The following UNC80 variants were observed in gnomAD, a reference collection of about 807,000 sequenced individuals.
The protein encoded by UNC80 is unc-80 subunit of NALCN channel complex.
In UNC80, 164 loss-of-function variants were observed where a neutral mutation model predicts 384.6. The ratio of observed to expected loss-of-function variants is 0.43; its 90% CI spans 0.38 to 0.49. The LOEUF is 0.49. Among genes scored for constraint, UNC80 ranks in the 20% least tolerant of loss-of-function variants. The probability of loss-of-function intolerance (pLI) is 0.00; values close to 1 mark genes in which losing one functional copy is unlikely to be tolerated. For missense variants in UNC80, 3,330 were observed against 4,143.0 expected (o/e 0.80, Z 5.39); for synonymous variants, 1,486 against 1,527.8 (o/e 0.97, Z 0.64).
chr2:209,957,807 GA>G, intron 49 of UNC80, 71 bp downstream of exon 49: 1 of 1,413,884 alleles, frequency 7.1e-7, no homozygotes, highest in Non-Finnish European at 9.8e-7. Flanking sequence ...TGTTGAGAAT[GA>G]AAGGAACCCT....
In UNC80 at chr2:209,978,432, T is replaced by C. The variant is rs570878244; in HGVS notation, c.8939-97T>C. On this transcript the variant is annotated intron_variant, in intron 58 of 64. Coordinates refer to ENST00000673920, the MANE Select transcript of UNC80 (RefSeq NM_001371986.1). Reference sequence around the variant, plus strand: ...ATTTGTCTGGGACACATTATTTAACTAACCTTTCCTAAAAAATACAAGTGG... The same window carrying C: ...ATTTGTCTGGGACACATTATTTAACCAACCTTTCCTAAAAAATACAAGTGG... The C allele has an allele frequency of 1.0e-5, 11 of 1,102,330 alleles. No individual in the cohort carries two copies. In the South Asian group the frequency reaches 2.2e-4, roughly 22 times the overall value. 68.3% of individuals were successfully genotyped at this position (1,102,330 alleles called of 1,614,324 possible).
intron 23 of UNC80, 123 bp from the exon 24 acceptor site, chr2:209,877,831 C>A: frequency 2.7e-6 from 3 of 1,128,530 alleles, no homozygotes; most frequent in Non-Finnish European, 3.5e-6. Flanking sequence ...CTGTGGCATA[C>A]AGAAGAGGCT....
intron 17 of UNC80, 70 bp from the exon 18 acceptor site, chr2:209,834,842 T>C: frequency 2.4e-6 from 3 of 1,268,828 alleles, no homozygotes; most frequent in Non-Finnish European, 3.3e-6. Context: ...TTTTGTTTTA[T>C]GAAGTGTATG....
chr2:209,913,497 T>A lies in UNC80; in HGVS notation c.4891-305T>A, dbSNP rs376576974. Among the ~76,000 whole-genome samples the A allele has an allele frequency of 3.3e-5, 5 of 152,342 alleles. No individual in the cohort carries two copies. In the East Asian group the frequency reaches 9.6e-4, roughly 29 times the overall value. On this transcript the variant is annotated intron_variant, in intron 30 of 64. Coordinates refer to ENST00000673920, the MANE Select transcript of UNC80 (RefSeq NM_001371986.1). ...TATGAAGACTTTTAACACAAAGATGTATTTCCTGGAGTCTTTCTTTTCTTG... is the reference window on the plus strand; with the variant it reads ...TATGAAGACTTTTAACACAAAGATGAATTTCCTGGAGTCTTTCTTTTCTTG...
intron 47 of UNC80, among the ~76,000 whole-genome samples, chr2:209,950,562 T>C (rs1365951643): frequency 7.3e-6 from 1 of 136,782 alleles, no homozygotes; most frequent in Non-Finnish European, 1.6e-5. Context: ...TACCTTTGGC[T>C]TTTTTTTTTT....
chr2:209,887,533 A>G (rs560285159), intron 25 of UNC80, among the ~76,000 whole-genome samples: 17 of 152,286 alleles, frequency 1.1e-4, no homozygotes, highest in African/African-American at 4.1e-4. Flanking sequence ...GTTGCCATGT[A>G]AGGCAACATA....
intron 26 of UNC80, among the ~76,000 whole-genome samples, chr2:209,888,853 A>T (rs2086074576): frequency 6.6e-6 from 1 of 152,160 alleles, no homozygotes; most frequent in Non-Finnish European, 1.5e-5. Flanking sequence ...GAGAAAAAAT[A>T]ATATTATGTT....
intron 7 of UNC80, chr2:209,809,205 C>G (rs1362169092): frequency 3.0e-6 from 2 of 672,484 alleles, no homozygotes; most frequent in East Asian, 5.4e-5. Context: ...AGCAGCTGGC[C>G]CAGGTCTCTG....
intron 28 of UNC80, among the ~76,000 whole-genome samples, chr2:209,902,904 CGT>C (rs56102642): frequency 0.49 from 69,174 of 140,858 alleles, 17,475 homozygotes; most frequent in East Asian, 0.59. Context: ...CCTGTATACA[CGT>C]GTGTGTGTGT....
intron 21 of UNC80, among the ~76,000 whole-genome samples, chr2:209,844,654 A>G (rs957617006): frequency 3.3e-5 from 5 of 150,920 alleles, no homozygotes; most frequent in African/African-American, 1.2e-4. Flanking sequence ...CAATGGTACA[A>G]TCATAGTCCA....
chr2:209,862,084 A>G (rs1270511128), intron 22 of UNC80, among the ~76,000 whole-genome samples: 1 of 151,484 alleles, frequency 6.6e-6, no homozygotes, highest in Non-Finnish European at 1.5e-5. Flanking sequence ...TAGCTTTTGG[A>G]TTAGTTTATT....
chr2:209,896,623 A>G (rs2086821134), intron 28 of UNC80, among the ~76,000 whole-genome samples: 1 of 152,310 alleles, frequency 6.6e-6, no homozygotes, highest in East Asian at 1.9e-4. Flanking sequence ...ACTAAGACCA[A>G]GTTTTTTTGG....
chr2:209,835,330 T>G (rs968643841), intron 18 of UNC80, among the ~76,000 whole-genome samples: 2 of 152,210 alleles, frequency 1.3e-5, no homozygotes, highest in Non-Finnish European at 2.9e-5. Context: ...CTCCAGTTTC[T>G]TGCTTAAAAT....
At chr2:209,923,610 A>G (rs2090208475) in intron 35 of UNC80, among the ~76,000 whole-genome samples, 1 of 152,140 alleles carries the variant, frequency 6.6e-6, no homozygotes, top group Non-Finnish European at 1.5e-5. Context: ...CTTGATATGC[A>G]GATATTTGTA....
At chr2:209,933,024 C>T (rs1191363078) in intron 38 of UNC80, among the ~76,000 whole-genome samples, 1 of 151,860 alleles carries the variant, frequency 6.6e-6, no homozygotes, top group Admixed American at 6.6e-5. Flanking sequence ...TTTGAAGAAA[C>T]AATGGTTAAA....
At chr2:209,934,267 AT>A (rs1171400224) in intron 39 of UNC80, among the ~76,000 whole-genome samples, 2 of 152,264 alleles carry the variant, frequency 1.3e-5, no homozygotes, top group Admixed American at 6.5e-5. Flanking sequence ...AAGGTTGAAG[AT>A]TTATTTAAGT....
intron 21 of UNC80, 56 bp downstream of exon 21, chr2:209,842,502 C>A: frequency 7.8e-7 from 1 of 1,274,338 alleles, no homozygotes. Context: ...AGAACAAAAA[C>A]TTGATTAGAT....
At chr2:209,917,698 G>A (rs1462698115) in intron 31 of UNC80, 79 bp from the exon 32 acceptor site, 6 of 1,473,998 alleles carry the variant, frequency 4.1e-6, no homozygotes, top group Middle Eastern at 3.8e-4. Context: ...GAAGATAGAA[G>A]CAGTTTCCAC....
intron 6 of UNC80, among the ~76,000 whole-genome samples, chr2:209,790,755 T>A (rs1426618384): frequency 6.6e-6 from 1 of 152,206 alleles, no homozygotes; most frequent in Non-Finnish European, 1.5e-5. Flanking sequence ...GAAGGAGTTT[T>A]AGGAATACCT....
Sources: gnomAD v4.1 joint callset for allele counts (sites outside exome capture counted in the v4.1 genomes callset) on GRCh38, gnomAD v4.1.1 for gene constraint, MANE v1.5 for transcripts, NCBI Gene and HGNC (gene_info 2026-07-23, HGNC 2026-07-21) for gene names.